PCMTD1: variants seen among roughly 807,000 people sequenced by gnomAD.
PCMTD1 encodes the protein protein-L-isoaspartate O-methyltransferase domain-containing protein 1.
In PCMTD1, 12 loss-of-function variants were observed where a neutral mutation model predicts 37.6. That is an observed-to-expected ratio of 0.32 (90% CI 0.20 to 0.52). PCMTD1 has a LOEUF of 0.52. Among genes scored for constraint, PCMTD1 ranks in the 20% least tolerant of loss-of-function variants. The pLI is 0.97. For synonymous variants in PCMTD1, 117 were observed against 135.8 expected (o/e 0.86, Z 0.96); for missense variants, 235 against 421.3 (o/e 0.56, Z 3.87).
chr8:51,859,629 CATA>C (rs1193110947), intron 2 of PCMTD1, among the ~76,000 whole-genome samples: 4 of 151,986 alleles, frequency 2.6e-5, no homozygotes, highest in African/African-American at 9.7e-5. Flanking sequence ...CCTTAAAAGT[CATA>C]ATGTGACCAC....
chr8:51,895,718 A>C (rs890587031), intron 1 of PCMTD1, among the ~76,000 whole-genome samples: 3 of 152,116 alleles, frequency 2.0e-5, no homozygotes, highest in Non-Finnish European at 2.9e-5. Context: ...GGGCTGAAAT[A>C]TTTCTGTGTC....
chr8:51,876,646 G>C (rs1358598191), intron 1 of PCMTD1, among the ~76,000 whole-genome samples: 1 of 152,106 alleles, frequency 6.6e-6, no homozygotes, highest in East Asian at 1.9e-4. Context: ...ACAAAATATG[G>C]AAGTCCTCAA....
intron 1 of PCMTD1, among the ~76,000 whole-genome samples, chr8:51,870,916 G>A (rs747606275): frequency 6.6e-6 from 1 of 152,068 alleles, no homozygotes; most frequent in East Asian, 1.9e-4. Context: ...TTTATTGGTC[G>A]TGCAGCCTCA....
At chr8:51,846,566 C>T (rs1293119739) in intron 2 of PCMTD1, among the ~76,000 whole-genome samples, 1 of 152,166 alleles carries the variant, frequency 6.6e-6, no homozygotes, top group African/African-American at 2.4e-5. Context: ...TTCTGAAATT[C>T]AGCCAACCAG....
At chr8:51,864,865 TAGAAAACAGAA>T (rs1252672341) in intron 1 of PCMTD1, among the ~76,000 whole-genome samples, 4 of 151,540 alleles carry the variant, frequency 2.6e-5, no homozygotes, top group Admixed American at 6.6e-5. Flanking sequence ...ATAGATAAAA[TAGAAAACAGAA>T]AGAAAACAGA....
intron 1 of PCMTD1, among the ~76,000 whole-genome samples, chr8:51,888,033 G>A (rs1317522818): frequency 1.3e-5 from 2 of 152,092 alleles, no homozygotes; most frequent in South Asian, 2.1e-4. Flanking sequence ...ATGAGCCACC[G>A]TGCCCGGCCA....
intron 5 of PCMTD1, among the ~76,000 whole-genome samples, chr8:51,821,424 A>T (rs1158025611): frequency 6.6e-6 from 1 of 152,144 alleles, no homozygotes; most frequent in Non-Finnish European, 1.5e-5. Context: ...TACAGGTGTA[A>T]ACCATCATGC....
chr8:51,831,617 G>A, intron 4 of PCMTD1, 50 bp from the exon 5 acceptor site: 1 of 1,565,472 alleles, frequency 6.4e-7, no homozygotes, highest in Non-Finnish European at 8.7e-7. Context: ...TCCCAACAAT[G>A]TGGTCACCTT....
chr8:51,872,648 C>G (rs1057345505), intron 1 of PCMTD1, among the ~76,000 whole-genome samples: 4 of 151,976 alleles, frequency 2.6e-5, no homozygotes, highest in African/African-American at 9.7e-5. Context: ...CATAGTGGGG[C>G]TTATTTTATT....
chr8:51,895,083 A>C (rs769133897), intron 1 of PCMTD1, among the ~76,000 whole-genome samples: 1 of 152,200 alleles, frequency 6.6e-6, no homozygotes, highest in South Asian at 2.1e-4. Flanking sequence ...GAGCAGTTGA[A>C]ACCACGGATC....
intron 1 of PCMTD1, among the ~76,000 whole-genome samples, chr8:51,877,994 A>C (rs2038736840): frequency 6.6e-6 from 1 of 152,232 alleles, no homozygotes. Flanking sequence ...AATGCATCAA[A>C]ATGCAAGCAA....
At chr8:51,842,560 A>T (rs1029258498) in intron 3 of PCMTD1, among the ~76,000 whole-genome samples, 1 of 151,798 alleles carries the variant, frequency 6.6e-6, no homozygotes, top group Non-Finnish European at 1.5e-5. Flanking sequence ...CCTGGACTCA[A>T]GCAATCTGCC....
At chr8:51,840,407 T>C (rs2038129838) in intron 3 of PCMTD1, among the ~76,000 whole-genome samples, 1 of 152,174 alleles carries the variant, frequency 6.6e-6, no homozygotes, top group Non-Finnish European at 1.5e-5. Context: ...TGTCTCAACA[T>C]CTGAATGTCT....
At chr8:51,849,755 A>G (rs2038277970) in intron 2 of PCMTD1, 1 of 282,350 alleles carries the variant, frequency 3.5e-6, no homozygotes, top group Non-Finnish European at 6.6e-6. Context: ...TTAGTCAAGA[A>G]CCCAAGCTTG....
At chr8:51,862,353 CACAT>C (rs780543716) in intron 1 of PCMTD1, among the ~76,000 whole-genome samples, 6 of 140,136 alleles carry the variant, frequency 4.3e-5, no homozygotes, top group Admixed American at 7.0e-5. Flanking sequence ...ATGTTTTATA[CACAT>C]ACACACACAC....
chr8:51,882,895 A>C (rs2038811701), intron 1 of PCMTD1, among the ~76,000 whole-genome samples: 1 of 150,820 alleles, frequency 6.6e-6, no homozygotes, highest in East Asian at 1.9e-4. Context: ...TGGGAGGCCG[A>C]GGCAGGCGGA....
chr8:51,897,485 A>T (rs1308835997), intron 1 of PCMTD1, among the ~76,000 whole-genome samples: 1 of 152,176 alleles, frequency 6.6e-6, no homozygotes, highest in Non-Finnish European at 1.5e-5. Context: ...TGTTCAACTG[A>T]CCATATGGAA....
intron 3 of PCMTD1, among the ~76,000 whole-genome samples, chr8:51,836,449 T>C (rs1442199016): frequency 1.3e-5 from 2 of 150,898 alleles, no homozygotes; most frequent in Admixed American, 1.3e-4. Flanking sequence ...TCTAATACTT[T>C]CTTATCACAA....
chr8:51,857,924 C>G (rs149276954), intron 2 of PCMTD1, among the ~76,000 whole-genome samples: 3 of 152,038 alleles, frequency 2.0e-5, no homozygotes, highest in African/African-American at 4.8e-5. Flanking sequence ...CCCAGTAGGT[C>G]GAAGCTGCAG....
Sources: gnomAD v4.1 joint callset for allele counts (sites outside exome capture counted in the v4.1 genomes callset) on GRCh38, gnomAD v4.1.1 for gene constraint, MANE v1.5 for transcripts, NCBI Gene and HGNC (gene_info 2026-07-23, HGNC 2026-07-21) for gene names.